The following SYCP2 variants were observed in gnomAD, a reference collection of about 807,000 sequenced individuals.
SYCP2 encodes synaptonemal complex protein 2, also known as synaptonemal complex lateral element protein.
A neutral mutation model predicts 211.3 loss-of-function variants in SYCP2; 55 were observed. The ratio of observed to expected loss-of-function variants is 0.26; its 90% CI spans 0.21 to 0.33. The LOEUF (loss-of-function observed/expected upper bound fraction) is 0.33, where lower values mean the gene tolerates loss of function less well. Among genes scored for constraint, SYCP2 ranks in the 10% least tolerant of loss-of-function variants. The probability of loss-of-function intolerance (pLI) is 1.00; values close to 1 mark genes in which losing one functional copy is unlikely to be tolerated. For synonymous variants in SYCP2, 570 were observed against 555.2 expected (o/e 1.03, Z -0.37); for missense variants, 1,731 against 1,752.0 (o/e 0.99, Z 0.21).
chr20:59,873,238 T>C (rs1237190067), intron 35 of SYCP2, among the ~76,000 whole-genome samples: 8 of 152,178 alleles, frequency 5.3e-5, no homozygotes, highest in Non-Finnish European at 7.4e-5. Context: ...AGGAAAACTT[T>C]ATGGCTTCTC....
intron 10 of SYCP2, among the ~76,000 whole-genome samples, chr20:59,914,744 T>A (rs1479471225): frequency 2.0e-5 from 3 of 151,942 alleles, no homozygotes; most frequent in Non-Finnish European, 4.4e-5. Flanking sequence ...AATCCATCAA[T>A]ATGAAGAATA....
chr20:59,879,862 T>TATATATATATATATATATATATAC (rs1469618397), intron 31 of SYCP2, among the ~76,000 whole-genome samples: 1 of 116,086 alleles, frequency 8.6e-6, no homozygotes, highest in Non-Finnish European at 1.8e-5. Context: ...TATATATATA[T>TATATATATATATATATATATATAC]ACACACACAC....
chr20:59,890,305 A>G (rs1264022039), intron 24 of SYCP2, among the ~76,000 whole-genome samples: 1 of 152,104 alleles, frequency 6.6e-6, no homozygotes, highest in African/African-American at 2.4e-5. Context: ...AGAACAGAAA[A>G]TCAAACACCA....
At position 59,872,728 on chromosome 20, in the gene SYCP2, ATAC is replaced by A. The variant is rs1475121182; in HGVS notation, c.3555+1125_3555+1127del. ...AACAGGAATGATCACTTCCTAAGAG[ATAC>A]TACTAATTGTTCTACACATTAGAAC... On this transcript the variant is annotated intron_variant, in intron 35 of 44. Transcript: ENST00000357552. Among the ~76,000 whole-genome samples, 12 of 152,020 alleles carry A rather than the reference ATAC, an allele frequency of 7.9e-5. No individual in the cohort carries two copies. The East Asian group carries it at 9.7e-4, about 12-fold the overall frequency.
chr20:59,867,666 T>C (rs2059377752), intron 39 of SYCP2, 45 bp downstream of exon 39: 1 of 1,516,926 alleles, frequency 6.6e-7, no homozygotes. Context: ...GTGTGGCATA[T>C]TATTATATTA....
At chr20:59,928,029 A>G (rs893750709) in intron 2 of SYCP2, among the ~76,000 whole-genome samples, 28 of 152,164 alleles carry the variant, frequency 1.8e-4, no homozygotes, top group Admixed American at 1.2e-3. Context: ...TTGGGCAGTA[A>G]GTTTGCTCAA....
rs1043385123 is a variant in SYCP2 at position 59,911,746 on chromosome 20, T to C, written c.972+4A>G. On this transcript the variant is annotated splice_donor_region_variant and intron_variant, in intron 14 of 44. Coordinates refer to ENST00000357552, the MANE Select transcript of SYCP2 (RefSeq NM_014258.4). ...AAGAATAATACCAACCAAATTAAAC[T>C]TACATCATTATCTCCAGCAATGTAG... The C allele has an allele frequency of 8.1e-6, 12 of 1,482,774 alleles. No homozygotes were observed. The highest frequency in any genetic ancestry group is 4.2e-5 in the African/African-American group (3 of 71,446). The allele number at this position is 1,482,774 out of a possible 1,614,324, so 91.9% of individuals were successfully genotyped here. A position where few individuals can be genotyped will look rare whatever the true frequency, so the allele number is the denominator to read the frequency against.
chr20:59,919,015 G>T, intron 7 of SYCP2, 143 bp downstream of exon 7: 2 of 446,726 alleles, frequency 4.5e-6, no homozygotes, highest in Non-Finnish European at 4.1e-6. Context: ...TTATTATCTG[G>T]CCCTTTACAG....
intron 18 of SYCP2, among the ~76,000 whole-genome samples, chr20:59,898,140 G>C (rs1476237483): frequency 6.6e-6 from 1 of 151,932 alleles, no homozygotes; most frequent in Non-Finnish European, 1.5e-5. Context: ...TAAAAAGAAA[G>C]AAAGTGGAAG....
chr20:59,882,318 C>T (rs1165366852), intron 26 of SYCP2, among the ~76,000 whole-genome samples, 153 bp from the exon 27 acceptor site: 1 of 152,084 alleles, frequency 6.6e-6, no homozygotes, highest in African/African-American at 2.4e-5. Flanking sequence ...ATAACAGATG[C>T]TAGTGAGGAT....
intron 2 of SYCP2, among the ~76,000 whole-genome samples, chr20:59,927,529 T>G (rs2060656229): frequency 1.3e-5 from 2 of 152,060 alleles, no homozygotes; most frequent in Admixed American, 1.3e-4. Context: ...ACATCTAAAG[T>G]TCTTCCACAA....
At chr20:59,928,423 A>G (rs934651842) in intron 2 of SYCP2, among the ~76,000 whole-genome samples, 2 of 152,214 alleles carry the variant, frequency 1.3e-5, no homozygotes, top group African/African-American at 4.8e-5. Context: ...TCTAAACTCC[A>G]AAGCAATTCC....
intron 16 of SYCP2, among the ~76,000 whole-genome samples, chr20:59,901,123 C>T (rs1364829339): frequency 6.6e-6 from 1 of 152,062 alleles, no homozygotes; most frequent in Non-Finnish European, 1.5e-5. Context: ...CAAAACATCA[C>T]ATGAATTGTC....
rs1472115161 is a variant in SYCP2 at position 59,911,859 on chromosome 20, C to T, written c.877-14G>A. On this transcript the variant is annotated splice_polypyrimidine_tract_variant and intron_variant, in intron 13 of 44. Coordinates refer to ENST00000357552, the MANE Select transcript of SYCP2 (RefSeq NM_014258.4). ...TGGTATTTGCAGCTAATAAAATAAA[C>T]ATACAAAACTGGAATATACAATGAT... 1.4e-5 allele frequency: 19 copies of T among 1,365,974 alleles called. No individual in the cohort carries two copies. Among genetic ancestry groups the T allele is most frequent in the Non-Finnish European group, 1.8e-5 (18 of 974,772 alleles). The allele number at this position is 1,365,974 out of a possible 1,614,324, so 84.6% of individuals were successfully genotyped here.
Position 59,882,183 on chromosome 20 carries a change from A to C in SYCP2, c.2530-18T>G, listed in dbSNP as rs1238170507. 1 of 1,579,842 alleles carries C rather than the reference A, an allele frequency of 6.3e-7. No individual in the cohort carries two copies. The highest frequency in any genetic ancestry group is 8.7e-7 in the Non-Finnish European group (1 of 1,151,922). ...ACTTTTTCCTGAAAAGAGGGTTATA[A>C]AAAAATCATTAAATGGCTAACAGGT... On this transcript the variant is annotated intron_variant, in intron 26 of 44. Coordinates refer to ENST00000357552, the MANE Select transcript of SYCP2 (RefSeq NM_014258.4).
intron 26 of SYCP2, among the ~76,000 whole-genome samples, chr20:59,883,098 C>G (rs1190121369): frequency 6.6e-6 from 1 of 152,110 alleles, no homozygotes; most frequent in Non-Finnish European, 1.5e-5. Flanking sequence ...CCTGTAACCC[C>G]AGCACTTTGG....
At chr20:59,929,639 A>G (rs756176574) in intron 2 of SYCP2, among the ~76,000 whole-genome samples, 22 of 152,198 alleles carry the variant, frequency 1.4e-4, no homozygotes, top group Middle Eastern at 3.4e-3. Flanking sequence ...GCAGAATGAG[A>G]TAATAGAAAT....
intron 15 of SYCP2, 31 bp downstream of exon 15, chr20:59,907,330 TAAG>T: frequency 7.2e-7 from 1 of 1,392,370 alleles, no homozygotes; most frequent in Non-Finnish European, 1.0e-6. Context: ...TGGTAAGAAT[TAAG>T]AAAATTATTA....
Position 59,896,463 on chromosome 20 carries a change from GTAT to G in SYCP2, c.1467_1469del (p.Arg489_Tyr490delinsSer). The G allele has an allele frequency of 1.9e-6, 3 of 1,607,894 alleles. No homozygotes were observed. Among genetic ancestry groups the G allele is most frequent in the Non-Finnish European group, 1.7e-6 (2 of 1,175,706 alleles). On this transcript the variant is annotated inframe_deletion, in exon 19 of 45. Coordinates refer to ENST00000357552, the MANE Select transcript of SYCP2 (RefSeq NM_014258.4). ...TGAAAAGCACTGGACTTCTCATAGT[GTAT>G]CTATCTGCACCAGAAACAATCATTG... is the stretch of plus-strand genomic sequence containing the variant.
Sources: allele counts gnomAD v4.1 joint callset (sites outside exome capture counted in the v4.1 genomes callset), GRCh38; gene constraint gnomAD v4.1.1; transcripts MANE v1.5; gene names NCBI Gene and HGNC (gene_info 2026-07-23, HGNC 2026-07-21).